CNTN4: variants seen among roughly 807,000 people sequenced by gnomAD.
CNTN4 encodes contactin 4, also known as contactin-4.
Under a neutral mutation model 122.5 loss-of-function variants are expected in CNTN4, and 77 were observed. The ratio of observed to expected loss-of-function variants is 0.63; its 90% CI spans 0.52 to 0.76. The LOEUF (loss-of-function observed/expected upper bound fraction) is 0.76. CNTN4 is among the 30% of genes least tolerant of loss of function. The pLI is 0.00. For synonymous variants in CNTN4, 512 were observed against 447.0 expected (o/e 1.15, Z -1.83); for missense variants, 1,256 against 1,259.1 (o/e 1.00, Z 0.04).
intron 7 of CNTN4, among the ~76,000 whole-genome samples, chr3:2,859,193 A>G (rs1416688140): frequency 6.6e-6 from 1 of 152,194 alleles, no homozygotes; most frequent in Non-Finnish European, 1.5e-5. Context: ...TTCACTTTGC[A>G]TAATGTCCTC....
chr3:2,977,119 T>C (rs1259426115), intron 13 of CNTN4, among the ~76,000 whole-genome samples: 1 of 152,214 alleles, frequency 6.6e-6, no homozygotes, highest in African/African-American at 2.4e-5. Context: ...CCTTCTACAT[T>C]GTGACTATTT....
intron 4 of CNTN4, among the ~76,000 whole-genome samples, chr3:2,617,132 T>C (rs2081785140): frequency 1.3e-5 from 2 of 152,182 alleles, no homozygotes; most frequent in African/African-American, 2.4e-5. Context: ...AAAGCCAAAA[T>C]TGACAAATGG....
At chr3:2,231,917 AC>A (rs111285405) in intron 2 of CNTN4, among the ~76,000 whole-genome samples, 4,386 of 152,240 alleles carry the variant, frequency 0.029, 209 homozygotes, top group African/African-American at 0.1. Context: ...ACACAATACA[AC>A]ACATTCCTAT....
chr3:2,663,915 A>C (rs2084025589), intron 4 of CNTN4, among the ~76,000 whole-genome samples: 1 of 152,190 alleles, frequency 6.6e-6, no homozygotes, highest in Admixed American at 6.5e-5. Context: ...ATATTGTCTG[A>C]TTCTATTTGT....
intron 8 of CNTN4, among the ~76,000 whole-genome samples, chr3:2,870,958 C>T (rs1577106326): frequency 6.6e-6 from 1 of 152,134 alleles, no homozygotes; most frequent in African/African-American, 2.4e-5. Flanking sequence ...TGTTCACTGA[C>T]CATTTACCAC....
intron 23 of CNTN4, among the ~76,000 whole-genome samples, chr3:3,046,167 G>A (rs1347563039): frequency 6.6e-6 from 1 of 152,238 alleles, no homozygotes; most frequent in Admixed American, 6.5e-5. Context: ...GTACCTGAAA[G>A]TGACGGGGAG....
intron 3 of CNTN4, among the ~76,000 whole-genome samples, chr3:2,491,009 G>T (rs1245725510): frequency 4.6e-5 from 7 of 152,242 alleles, no homozygotes; most frequent in African/African-American, 1.7e-4. Flanking sequence ...AATAAAGAAA[G>T]AATAGGGGGG....
At chr3:2,384,305 C>G (rs953957432) in intron 3 of CNTN4, among the ~76,000 whole-genome samples, 3 of 152,144 alleles carry the variant, frequency 2.0e-5, no homozygotes, top group Non-Finnish European at 4.4e-5. Flanking sequence ...AGGGCAAATG[C>G]TATGAATCCT....
chr3:2,868,040 TC>T (rs2093743873), intron 8 of CNTN4, among the ~76,000 whole-genome samples: 1 of 152,172 alleles, frequency 6.6e-6, no homozygotes, highest in Non-Finnish European at 1.5e-5. Context: ...AGGTTTCTAT[TC>T]TTTTTAAATC....
chr3:3,056,048 A>C, intron 24 of CNTN4, 72 bp from the exon 25 acceptor site: 1 of 1,084,352 alleles, frequency 9.2e-7, no homozygotes, highest in South Asian at 1.3e-5. Flanking sequence ...CTGTTTCAAA[A>C]AGCCCCGTGG....
chr3:3,002,451 G>C (rs1342668573), intron 14 of CNTN4, among the ~76,000 whole-genome samples: 1 of 152,204 alleles, frequency 6.6e-6, no homozygotes, highest in Non-Finnish European at 1.5e-5. Flanking sequence ...GATAGAGAGA[G>C]AGAGAAATAA....
chr3:2,576,319 G>A (rs1298903127), intron 4 of CNTN4, among the ~76,000 whole-genome samples: 7 of 152,136 alleles, frequency 4.6e-5, no homozygotes, highest in Non-Finnish European at 1.0e-4. Flanking sequence ...ATGAGAGAAA[G>A]AGACTAGATC....
intron 4 of CNTN4, among the ~76,000 whole-genome samples, chr3:2,684,992 TAC>T (rs2085357687): frequency 6.6e-6 from 1 of 152,324 alleles, no homozygotes; most frequent in African/African-American, 2.4e-5. Flanking sequence ...ACGTAAAGAT[TAC>T]ATTCTTGTGA....
chr3:2,287,760 GAA>G (rs2041991584), intron 2 of CNTN4, among the ~76,000 whole-genome samples: 1 of 146,192 alleles, frequency 6.8e-6, no homozygotes, highest in Non-Finnish European at 1.5e-5. Flanking sequence ...AGAAGAAGAA[GAA>G]GAAGAAGAAG....
At chr3:2,445,544 T>A (rs111825050) in intron 3 of CNTN4, among the ~76,000 whole-genome samples, 1 of 152,194 alleles carries the variant, frequency 6.6e-6, no homozygotes, top group East Asian at 1.9e-4. Flanking sequence ...GTAGGAACTG[T>A]CTTCTTAATT....
intron 21 of CNTN4, among the ~76,000 whole-genome samples, 198 bp downstream of exon 21, chr3:3,042,620 G>C (rs1700267408): frequency 1.3e-5 from 2 of 152,120 alleles, no homozygotes; most frequent in African/African-American, 4.8e-5. Flanking sequence ...ATATTCTAGA[G>C]GTATTTTTCG....
At chr3:2,388,851 A>AAAAC (rs1194204208) in intron 3 of CNTN4, among the ~76,000 whole-genome samples, 1 of 151,214 alleles carries the variant, frequency 6.6e-6, no homozygotes, top group Middle Eastern at 3.2e-3. Flanking sequence ...TCTCAAACAA[A>AAAAC]AAACAAACAA....
At chr3:2,339,833 G>T (rs1327308731) in intron 3 of CNTN4, among the ~76,000 whole-genome samples, 4 of 152,170 alleles carry the variant, frequency 2.6e-5, no homozygotes, top group African/African-American at 9.7e-5. Context: ...TCTCACATTT[G>T]TGGAATCTAC....
chr3:2,266,907 T>C (rs1221119035), intron 2 of CNTN4, among the ~76,000 whole-genome samples: 1 of 152,046 alleles, frequency 6.6e-6, no homozygotes, highest in African/African-American at 2.4e-5. Flanking sequence ...AGTGACAAAA[T>C]TGCAAAAGTT....
Sources: allele counts gnomAD v4.1 joint callset (sites outside exome capture counted in the v4.1 genomes callset), GRCh38; gene constraint gnomAD v4.1.1; transcripts MANE v1.5; gene names NCBI Gene and HGNC (gene_info 2026-07-23, HGNC 2026-07-21).